Variants in SMARCB1 observed in about 807,000 individuals in gnomAD.
SMARCB1 encodes the protein SWI/SNF related BAF chromatin remodeling complex subunit B1, also known as SWI/SNF-related matrix-associated actin-dependent regulator of chromatin subfamily B member 1.
SMARCB1 carries 5 observed loss-of-function variants against 49.0 expected under a neutral mutation model. The observed-to-expected ratio is 0.10, with a 90% CI of 0.05 to 0.21. The LOEUF (loss-of-function observed/expected upper bound fraction) is 0.21. Ranked by LOEUF, SMARCB1 falls within the 10% of genes least tolerant of loss-of-function variation. The pLI, the probability that SMARCB1 is intolerant of heterozygous loss-of-function variation, is 1.00. For synonymous variants in SMARCB1, 201 were observed against 200.1 expected (o/e 1.00, Z -0.04); for missense variants, 226 against 509.2 (o/e 0.44, Z 5.35).
At chr22:23,825,008 CTG>C (rs1406070450) in intron 6 of SMARCB1, 4 of 602,582 alleles carry the variant, frequency 6.6e-6, no homozygotes, top group African/African-American at 1.9e-5. Flanking sequence ...CCGAGGGTGA[CTG>C]TGCTGGGCCC....
intron 6 of SMARCB1, chr22:23,818,137 G>GGGGTGTGTGGGTGT (rs1311439174): frequency 2.3e-5 from 3 of 132,924 alleles, no homozygotes; most frequent in Admixed American, 7.4e-5. Context: ...AAATACTTTG[G>GGGGTGTGTGGGTGT]GTGTGTGTGT....
chr22:23,817,285 C>A, intron 6 of SMARCB1: 1 of 403,414 alleles, frequency 2.5e-6, no homozygotes. Flanking sequence ...GCCTTAGTGG[C>A]CATATTACAG....
chr22:23,834,989 G>A lies in SMARCB1; in HGVS notation c.*809G>A. 1 of 1,507,726 alleles carries A rather than the reference G, an allele frequency of 6.6e-7. No homozygotes were observed. Among genetic ancestry groups the A allele is most frequent in the Non-Finnish European group, 8.8e-7 (1 of 1,130,626 alleles). 93.4% of individuals were successfully genotyped at this position (1,507,726 alleles called of 1,614,324 possible). A position where few individuals can be genotyped will look rare whatever the true frequency, so the allele number is the denominator to read the frequency against. On this transcript the variant is annotated 3_prime_UTR_variant, in exon 9 of 9. Coordinates refer to ENST00000644036, the MANE Select transcript of SMARCB1 (RefSeq NM_003073.5). ...CTGGGCTGTCGCCAGCCTGGGTGCA[G>A]GAGGGCTGTTCTAGCTCCAGTGGCA... is the stretch of plus-strand genomic sequence containing the variant.
Position 23,825,378 on chromosome 22 carries a change from G to A in SMARCB1, c.949G>A (p.Gly317Arg). The A allele has an allele frequency of 6.2e-7, 1 of 1,614,096 alleles. No homozygotes were observed. Among genetic ancestry groups the A allele is most frequent in the Non-Finnish European group, 8.5e-7 (1 of 1,179,952 alleles). Reference sequence around the variant, plus strand: ...CACCACCATCGCATACAGCATCCGGGGACAGCTGAGCTGGCATCAGAAGAC... The same window carrying A: ...CACCACCATCGCATACAGCATCCGGAGACAGCTGAGCTGGCATCAGAAGAC... ...FVTTIAYSIR[G>R]QLSWHQKTYA... The change falls in exon 7 of 9, where the codon GGA becomes AGA. Residue 317 changes from glycine to arginine, a missense_variant. Coordinates refer to ENST00000644036, the MANE Select transcript of SMARCB1 (RefSeq NM_003073.5).
Position 23,837,286 on chromosome 22 carries a change from G to C in SMARCB1, c.*3106G>C. 8.4e-7 allele frequency: 1 copy of C among 1,191,830 alleles called. No individual in the cohort carries two copies. Among genetic ancestry groups the C allele is most frequent in the Non-Finnish European group, 1.2e-6 (1 of 843,398 alleles). The allele number at this position is 1,191,830 out of a possible 1,614,324, so 73.8% of individuals were successfully genotyped here. A position where few individuals can be genotyped will look rare whatever the true frequency, so the allele number is the denominator to read the frequency against. On this transcript the variant is annotated 3_prime_UTR_variant, in exon 9 of 9. Coordinates refer to ENST00000644036, the MANE Select transcript of SMARCB1 (RefSeq NM_003073.5). ...CACAGCATGAGTGCCCCAAAGCCTTGCACAGAGTGCCAGCCCCGGGTTGGC... is the reference window on the plus strand; with the variant it reads ...CACAGCATGAGTGCCCCAAAGCCTTCCACAGAGTGCCAGCCCCGGGTTGGC...
chr22:23,816,512 G>T, intron 5 of SMARCB1: 1 of 597,058 alleles, frequency 1.7e-6, no homozygotes, highest in Non-Finnish European at 3.0e-6. Context: ...AGCTATGAGT[G>T]GAATGAGGGA....
rs148338480 is a variant in SMARCB1 at position 23,817,013 on chromosome 22, C to T, written c.795+77C>T. Reference sequence around the variant, plus strand: ...GTCATCATGGAGCACTGAGGGTACACCAAGGCCTCAGCAGAAGCCCGTCTT... The same window carrying T: ...GTCATCATGGAGCACTGAGGGTACATCAAGGCCTCAGCAGAAGCCCGTCTT... On this transcript the variant is annotated intron_variant, in intron 6 of 8. Transcript: ENST00000644036. 6.4e-4 allele frequency: 769 copies of T among 1,207,846 alleles called. 7 individuals are homozygous for T. In the African/African-American group the frequency reaches 9.7e-3, roughly 15 times the overall value. 74.8% of individuals were successfully genotyped at this position (1,207,846 alleles called of 1,614,324 possible). A position where few individuals can be genotyped will look rare whatever the true frequency, so the allele number is the denominator to read the frequency against.
At chr22:23,816,597 G>A in intron 5 of SMARCB1, 173 bp from the exon 6 acceptor site, 1 of 704,328 alleles carries the variant, frequency 1.4e-6, no homozygotes, top group African/African-American at 1.7e-5. Flanking sequence ...GGGCCTGCTA[G>A]TCATGTGCTT....
chr22:23,794,976 G>GTA (rs1036130370), intron 3 of SMARCB1, among the ~76,000 whole-genome samples: 1 of 152,018 alleles, frequency 6.6e-6, no homozygotes, highest in Non-Finnish European at 1.5e-5. Flanking sequence ...CAAGTAATTG[G>GTA]GAAGTTACGA....
intron 1 of SMARCB1, among the ~76,000 whole-genome samples, chr22:23,787,647 AC>A (rs1207336457): frequency 6.6e-6 from 1 of 151,600 alleles, no homozygotes; most frequent in Non-Finnish European, 1.5e-5. Flanking sequence ...TTTCACGTGC[AC>A]CCCTCCCCGT....
At position 23,836,661 on chromosome 22, in the gene SMARCB1, G is replaced by A. The variant is rs146532594; in HGVS notation, c.*2481G>A. The A allele has an allele frequency of 2.2e-5, 28 of 1,267,580 alleles. 1 individual carries two copies. Among genetic ancestry groups the A allele is most frequent in the East Asian group, 1.3e-4 (4 of 31,354 alleles). The allele number at this position is 1,267,580 out of a possible 1,614,324, so 78.5% of individuals were successfully genotyped here. ...TGCAGTTGGGCTGAGAGGCCACACT[G>A]AGTGAGGACGGGGCAGGCATAGAAG... On this transcript the variant is annotated 3_prime_UTR_variant, in exon 9 of 9. Coordinates refer to ENST00000644036, the MANE Select transcript of SMARCB1 (RefSeq NM_003073.5).
intron 2 of SMARCB1, 174 bp downstream of exon 2, chr22:23,792,068 GCCATTGGTGGT>G: frequency 1.5e-6 from 1 of 668,810 alleles, no homozygotes; most frequent in East Asian, 2.8e-5. Flanking sequence ...GCTCCAGGGA[GCCATTGGTGGT>G]CCACTGTCAG....
At chr22:23,818,167 T>G (rs1486888838) in intron 6 of SMARCB1, 1 of 75,396 alleles carries the variant, frequency 1.3e-5, no homozygotes, top group African/African-American at 4.6e-5. Context: ...TGTGTGTGTG[T>G]GTGTGTGTCG....
chr22:23,837,535 A>G lies in SMARCB1; in HGVS notation c.*3355A>G. On this transcript the variant is annotated 3_prime_UTR_variant, in exon 9 of 9. Transcript: ENST00000644036. ...GCACAGCAGCTGGGAGGGCAGGAAG[A>G]TGGGGATGGAGCCAGGTGTGAGGAG... 9.8e-7 allele frequency: 1 copy of G among 1,023,506 alleles called. No homozygotes were observed. Among genetic ancestry groups the G allele is most frequent in the South Asian group, 1.6e-5 (1 of 62,384 alleles). The allele number at this position is 1,023,506 out of a possible 1,614,324, so 63.4% of individuals were successfully genotyped here. A position where few individuals can be genotyped will look rare whatever the true frequency, so the allele number is the denominator to read the frequency against.
rs1337456092 is a variant in SMARCB1 at position 23,836,476 on chromosome 22, G to A, written c.*2296G>A. Reference sequence around the variant, plus strand: ...CTGGCAGGTAGCAGAGGCCTATGGTGGGCAGGACTTGCCCAAGGCCCTGGT... The same window carrying A: ...CTGGCAGGTAGCAGAGGCCTATGGTAGGCAGGACTTGCCCAAGGCCCTGGT... On this transcript the variant is annotated 3_prime_UTR_variant, in exon 9 of 9. Coordinates refer to ENST00000644036, the MANE Select transcript of SMARCB1 (RefSeq NM_003073.5). The A allele has an allele frequency of 2.0e-6, 2 of 1,000,826 alleles. No individual in the cohort carries two copies. Among genetic ancestry groups the A allele is most frequent in the Non-Finnish European group, 2.4e-6 (2 of 840,682 alleles). The allele number at this position is 1,000,826 out of a possible 1,614,324, so 62.0% of individuals were successfully genotyped here. A position where few individuals can be genotyped will look rare whatever the true frequency, so the allele number is the denominator to read the frequency against.
At chr22:23,816,717 C>T in intron 5 of SMARCB1, 53 bp from the exon 6 acceptor site, 1 of 1,544,472 alleles carries the variant, frequency 6.5e-7, no homozygotes. Flanking sequence ...GAGGCCGGTC[C>T]ATGCCCAAGC....
intron 4 of SMARCB1, chr22:23,802,398 C>G (rs894460769): frequency 3.3e-5 from 5 of 153,210 alleles, no homozygotes; most frequent in African/African-American, 4.8e-5. Flanking sequence ...TCCTTCCTTC[C>G]TTCCATCATT....
At chr22:23,804,999 G>A (rs540515055) in intron 5 of SMARCB1, among the ~76,000 whole-genome samples, 2 of 152,324 alleles carry the variant, frequency 1.3e-5, no homozygotes, top group South Asian at 4.1e-4. Context: ...AGGAGAGTAT[G>A]AGTGGTTGTT....
chr22:23,826,453 G>C (rs1326660278), intron 7 of SMARCB1, among the ~76,000 whole-genome samples: 5 of 151,046 alleles, frequency 3.3e-5, no homozygotes, highest in Non-Finnish European at 4.4e-5. Flanking sequence ...TAGCGAGGTT[G>C]AACTCTCCCG....
Sources: allele counts gnomAD v4.1 joint callset (sites outside exome capture counted in the v4.1 genomes callset), GRCh38; gene constraint gnomAD v4.1.1; transcripts MANE v1.5; gene names NCBI Gene and HGNC (gene_info 2026-07-23, HGNC 2026-07-21).